ITPR1: variants seen among roughly 807,000 people sequenced by gnomAD.
The protein encoded by ITPR1 is inositol 1,4,5-trisphosphate-gated calcium channel ITPR1.
Under a neutral mutation model 318.4 loss-of-function variants are expected in ITPR1, and 96 were observed. That is an observed-to-expected ratio of 0.30 (90% CI 0.26 to 0.36). The LOEUF (loss-of-function observed/expected upper bound fraction) is 0.36. ITPR1 is among the 10% of genes least tolerant of loss of function. The probability of loss-of-function intolerance (pLI) is 1.00; values close to 1 mark genes in which losing one functional copy is unlikely to be tolerated. For missense variants in ITPR1, 2,440 were observed against 3,460.2 expected, an observed-to-expected ratio of 0.71 and a Z score of 7.40; for synonymous variants, 1,312 against 1,289.9, an observed-to-expected ratio of 1.02 and a Z score of -0.37.
intron 44 of ITPR1, among the ~76,000 whole-genome samples, chr3:4,745,405 G>A (rs192382484): frequency 7.4e-4 from 113 of 152,184 alleles, no homozygotes; most frequent in African/African-American, 1.3e-3. Flanking sequence ...AGACACCTGC[G>A]ATTACAGACT....
chr3:4,579,239 A>G (rs752026151), intron 4 of ITPR1, among the ~76,000 whole-genome samples: 2 of 152,254 alleles, frequency 1.3e-5, no homozygotes, highest in Non-Finnish European at 2.9e-5. Context: ...TGTCCAGTAC[A>G]TGCATAGTAC....
chr3:4,504,724 T>C (rs1439943657), intron 2 of ITPR1, among the ~76,000 whole-genome samples: 5 of 152,314 alleles, frequency 3.3e-5, no homozygotes, highest in African/African-American at 1.2e-4. Flanking sequence ...AAATTAACCC[T>C]GAGTGCCCAG....
chr3:4,711,454 A>T lies in ITPR1; in HGVS notation c.4992-303A>T, dbSNP rs375592420. 1.2e-3 allele frequency: 305 copies of T among 257,344 alleles called. 5 individuals carry two copies. The South Asian group carries it at 0.026, about 22-fold the overall frequency. 15.9% of individuals were successfully genotyped at this position (257,344 alleles called of 1,614,324 possible). A position where few individuals can be genotyped will look rare whatever the true frequency, so the allele number is the denominator to read the frequency against. ...CTCAGTGGATAAATAGCCACGCTTT[A>T]TAAACGAGCAGGTCTGAGTGGACCT... On this transcript the variant is annotated intron_variant, in intron 38 of 61. Coordinates refer to ENST00000649015, the MANE Select transcript of ITPR1 (RefSeq NM_001378452.1).
intron 55 of ITPR1, among the ~76,000 whole-genome samples, chr3:4,807,544 T>C (rs1263354554): frequency 6.6e-6 from 1 of 152,204 alleles, no homozygotes; most frequent in African/African-American, 2.4e-5. Context: ...TGCCGAATGA[T>C]TGCCAGCTAT....
At chr3:4,543,833 C>A (rs2084704680) in intron 4 of ITPR1, among the ~76,000 whole-genome samples, 1 of 152,180 alleles carries the variant, frequency 6.6e-6, no homozygotes, top group African/African-American at 2.4e-5. Flanking sequence ...TTTGTTGTTT[C>A]CTTAGAAATC....
intron 54 of ITPR1, among the ~76,000 whole-genome samples, chr3:4,801,427 G>C (rs1340492488): frequency 1.3e-5 from 2 of 152,156 alleles, no homozygotes; most frequent in African/African-American, 4.8e-5. Context: ...ATGTCAAGCT[G>C]AAAAGCTTAC....
intron 12 of ITPR1, 27 bp downstream of exon 12, chr3:4,653,913 C>T: frequency 6.4e-7 from 1 of 1,564,816 alleles, no homozygotes; most frequent in Non-Finnish European, 8.8e-7. Context: ...GCCTTCTTGT[C>T]TTCATCTGGT....
intron 4 of ITPR1, among the ~76,000 whole-genome samples, chr3:4,616,563 A>G (rs952733558): frequency 1.3e-5 from 2 of 152,222 alleles, no homozygotes; most frequent in South Asian, 4.1e-4. Context: ...TATTGATTTC[A>G]TCTCATATAA....
At chr3:4,648,609 A>G (rs1050743926) in intron 10 of ITPR1, among the ~76,000 whole-genome samples, 9 of 152,214 alleles carry the variant, frequency 5.9e-5, no homozygotes, top group Non-Finnish European at 8.8e-5. Flanking sequence ...CAGGAATTCA[A>G]GACCAACCTG....
Position 4,814,479 on chromosome 3 carries a change from C to T in ITPR1, c.7618C>T (p.Leu2540=), listed in dbSNP as rs745938459. 3.7e-6 allele frequency: 6 copies of T among 1,613,500 alleles called. No homozygotes were observed. The Admixed American group carries it at 5.0e-5, about 13-fold the overall frequency. Reference sequence around the variant, plus strand: ...TAAAGAGCACACATGTGAGACGCTGCTGATGTGCATTGTCACTGTGCTGAG... The same window carrying T: ...TAAAGAGCACACATGTGAGACGCTGTTGATGTGCATTGTCACTGTGCTGAG... ...QDKEHTCETL[L]MCIVTVLSHG... The change falls in exon 58 of 62, where the codon CTG becomes TTG. Residue 2540 remains leucine (L), a synonymous_variant. Transcript: ENST00000649015.
At chr3:4,505,027 C>T (rs146943808) in intron 2 of ITPR1, among the ~76,000 whole-genome samples, 3 of 152,020 alleles carry the variant, frequency 2.0e-5, no homozygotes, top group African/African-American at 4.8e-5. Context: ...TTAACCTGCC[C>T]TGCTGGGTGC....
chr3:4,595,670 C>T (rs2090752717), intron 4 of ITPR1, among the ~76,000 whole-genome samples: 1 of 151,332 alleles, frequency 6.6e-6, no homozygotes, highest in South Asian at 2.1e-4. Context: ...AACAGGCCTA[C>T]AAGGACAGCA....
At chr3:4,744,578 A>T (rs1461110730) in intron 44 of ITPR1, among the ~76,000 whole-genome samples, 4 of 152,216 alleles carry the variant, frequency 2.6e-5, no homozygotes, top group Admixed American at 6.5e-5. Context: ...AGAGTTGAGT[A>T]GTTGTGACAG....
intron 60 of ITPR1, among the ~76,000 whole-genome samples, chr3:4,834,894 A>G (rs1393984416): frequency 6.6e-6 from 1 of 152,254 alleles, no homozygotes; most frequent in Non-Finnish European, 1.5e-5. Context: ...TTCAGGGTAT[A>G]GGAAGGTAGA....
chr3:4,673,784 G>A (rs1313060867), intron 21 of ITPR1, among the ~76,000 whole-genome samples: 5 of 152,066 alleles, frequency 3.3e-5, no homozygotes, highest in African/African-American at 1.2e-4. Flanking sequence ...GGGTTTCACC[G>A]TGTTAGCTAG....
intron 35 of ITPR1, among the ~76,000 whole-genome samples, chr3:4,702,151 A>C (rs539276178): frequency 6.6e-6 from 1 of 152,362 alleles, no homozygotes; most frequent in African/African-American, 2.4e-5. Flanking sequence ...AAATTGATTC[A>C]GTGGATGTTT....
At chr3:4,798,193 G>T (rs1220228327) in intron 53 of ITPR1, among the ~76,000 whole-genome samples, 1 of 152,146 alleles carries the variant, frequency 6.6e-6, no homozygotes, top group Non-Finnish European at 1.5e-5. Context: ...GAAAATAGTT[G>T]CAAAATATAT....
chr3:4,756,093 C>T (rs1191967855), intron 44 of ITPR1, among the ~76,000 whole-genome samples: 1 of 152,134 alleles, frequency 6.6e-6, no homozygotes, highest in Non-Finnish European at 1.5e-5. Flanking sequence ...GCCCATTGTA[C>T]TCACTATTAG....
intron 4 of ITPR1, among the ~76,000 whole-genome samples, chr3:4,561,615 A>G (rs1343327856): frequency 6.6e-6 from 1 of 152,228 alleles, no homozygotes; most frequent in Non-Finnish European, 1.5e-5. Flanking sequence ...AATGTATATT[A>G]GTTAACTCAG....
Sources: gnomAD v4.1 joint callset for allele counts (sites outside exome capture counted in the v4.1 genomes callset) on GRCh38, gnomAD v4.1.1 for gene constraint, MANE v1.5 for transcripts, NCBI Gene and HGNC (gene_info 2026-07-23, HGNC 2026-07-21) for gene names.